The following UQCC1 variants were observed in gnomAD, a reference collection of about 807,000 sequenced individuals.
UQCC1 encodes ubiquinol-cytochrome c reductase complex assembly factor 1, also known as bFGF-repressed Zic-binding protein.
A neutral mutation model predicts 48.0 loss-of-function variants in UQCC1; 38 were observed. That is an observed-to-expected ratio of 0.79 (90% CI 0.61 to 1.04). The LOEUF (loss-of-function observed/expected upper bound fraction) is 1.04. Ranked by LOEUF, UQCC1 falls within the 50% of genes least tolerant of loss-of-function variation. The probability of loss-of-function intolerance (pLI) is 0.00; values close to 1 mark genes in which losing one functional copy is unlikely to be tolerated. For missense variants in UQCC1, 368 were observed against 381.8 expected (o/e 0.96, Z 0.30); for synonymous variants, 111 against 129.2 (o/e 0.86, Z 0.95).
At chr20:35,409,054 A>G (rs1255929433) in intron 1 of UQCC1, among the ~76,000 whole-genome samples, 2 of 152,146 alleles carry the variant, frequency 1.3e-5, no homozygotes, top group Admixed American at 1.3e-4. Flanking sequence ...AAGACTATAG[A>G]GAGTTATTAA....
chr20:35,385,635 G>A (rs948511015), intron 2 of UQCC1, among the ~76,000 whole-genome samples: 8 of 152,136 alleles, frequency 5.3e-5, no homozygotes, highest in Admixed American at 5.2e-4. Context: ...CTGAGTTGCT[G>A]GGACTACAGG....
chr20:35,330,622 C>T (rs1568661049), intron 7 of UQCC1, among the ~76,000 whole-genome samples: 2 of 152,202 alleles, frequency 1.3e-5, no homozygotes, highest in Non-Finnish European at 1.5e-5. Context: ...ATGAACCCCA[C>T]ATTTGTCCCC....
intron 1 of UQCC1, among the ~76,000 whole-genome samples, chr20:35,405,619 G>T (rs1410699517): frequency 1.3e-5 from 2 of 152,200 alleles, no homozygotes; most frequent in African/African-American, 4.8e-5. Flanking sequence ...CGGGTGCGGT[G>T]GCTTACACCT....
intron 4 of UQCC1, 77 bp downstream of exon 4, chr20:35,381,841 G>A: frequency 4.6e-6 from 4 of 869,408 alleles, no homozygotes; most frequent in Non-Finnish European, 7.4e-6. Flanking sequence ...AAGCAAAGCA[G>A]AAGCTTTAAA....
intron 2 of UQCC1, among the ~76,000 whole-genome samples, chr20:35,390,195 C>T (rs113742912): frequency 5.8e-4 from 89 of 152,140 alleles, no homozygotes; most frequent in African/African-American, 2.0e-3. Flanking sequence ...GAGGCTGAGG[C>T]GGGCAGATCA....
rs923534097 is a variant in UQCC1 at position 35,382,123 on chromosome 20, TAC to T, written c.226-100_226-99del. The T allele has an allele frequency of 2.9e-5, 20 of 693,206 alleles. No homozygotes were observed. The Admixed American group carries it at 5.1e-4, about 18-fold the overall frequency. The allele number at this position is 693,206 out of a possible 1,614,324, so 42.9% of individuals were successfully genotyped here. A position where few individuals can be genotyped will look rare whatever the true frequency, so the allele number is the denominator to read the frequency against. The stretch of plus-strand genomic sequence containing the variant: ...GGTCTGAGAGCATTTTTTTTTTAAA[TAC>T]AGTCAGGGTCTCCTCCCCTCACCCA... On this transcript the variant is annotated intron_variant, in intron 3 of 9. Coordinates refer to ENST00000374385, the MANE Select transcript of UQCC1 (RefSeq NM_018244.5).
intron 6 of UQCC1, among the ~76,000 whole-genome samples, chr20:35,361,951 G>C (rs919317130): frequency 1.3e-5 from 2 of 152,042 alleles, no homozygotes; most frequent in Non-Finnish European, 2.9e-5. Flanking sequence ...AATTTTATTT[G>C]TTCCATTCCA....
At chr20:35,371,228 G>A (rs2061726216) in intron 5 of UQCC1, among the ~76,000 whole-genome samples, 2 of 151,912 alleles carry the variant, frequency 1.3e-5, no homozygotes, top group South Asian at 4.2e-4. Flanking sequence ...AGCTGGCCAA[G>A]ACAAAGTTAT....
chr20:35,384,403 G>A (rs1470740063), intron 2 of UQCC1, among the ~76,000 whole-genome samples: 8 of 152,124 alleles, frequency 5.3e-5, no homozygotes. Flanking sequence ...CACTTTGGGA[G>A]GTCAAGGTGA....
intron 7 of UQCC1, among the ~76,000 whole-genome samples, chr20:35,325,878 A>C (rs6060372): frequency 0.4 from 60,397 of 151,672 alleles, 13,302 homozygotes; most frequent in African/African-American, 0.59. Flanking sequence ...AACACACACA[A>C]AAAAAACAAA....
rs577688509 is a variant in UQCC1 at position 35,374,110 on chromosome 20, T to C, written c.406+74A>G. On this transcript the variant is annotated intron_variant, in intron 5 of 9. Transcript: ENST00000374385. ...TTTCACTAGGGACTAAAAAAACCTA[T>C]CCTATTAAAACACAACCATAAAAAT... 13 of 1,198,342 alleles carry C rather than the reference T, an allele frequency of 1.1e-5. No individual in the cohort carries two copies. The Admixed American group carries it at 2.5e-4, about 23-fold the overall frequency. The allele number at this position is 1,198,342 out of a possible 1,614,324, so 74.2% of individuals were successfully genotyped here. A position where few individuals can be genotyped will look rare whatever the true frequency, so the allele number is the denominator to read the frequency against.
At chr20:35,386,375 T>A (rs1327923908) in intron 2 of UQCC1, 1 of 452,656 alleles carries the variant, frequency 2.2e-6, no homozygotes, top group Non-Finnish European at 4.4e-6. Flanking sequence ...TGAAAATGAT[T>A]TTTTTTCTTT....
intron 1 of UQCC1, among the ~76,000 whole-genome samples, chr20:35,404,247 T>G (rs182510566): frequency 9.3e-4 from 141 of 152,142 alleles, no homozygotes; most frequent in African/African-American, 3.2e-3. Flanking sequence ...CGGGTGCCTG[T>G]AGTCCCAGCT....
chr20:35,394,252 A>T lies in UQCC1; in HGVS notation c.25-56T>A, dbSNP rs553713406. The T allele has an allele frequency of 3.1e-4, 444 of 1,446,104 alleles. 3 individuals carry two copies. In the South Asian group the frequency reaches 4.8e-3, roughly 16 times the overall value. 89.6% of individuals were successfully genotyped at this position (1,446,104 alleles called of 1,614,324 possible). On this transcript the variant is annotated intron_variant, in intron 1 of 9. Transcript: ENST00000374385. ...ATCTAAATCATACTCCCTACATGGA[A>T]GGCAAAGAGTGTACCTGTGATACTG... is the stretch of plus-strand genomic sequence containing the variant.
At chr20:35,375,251 A>G (rs2061782843) in intron 4 of UQCC1, among the ~76,000 whole-genome samples, 1 of 152,340 alleles carries the variant, frequency 6.6e-6, no homozygotes, top group Non-Finnish European at 1.5e-5. Flanking sequence ...GTTTAAAGTC[A>G]CCAAGAACAT....
intron 6 of UQCC1, among the ~76,000 whole-genome samples, chr20:35,347,874 G>C (rs2061447964): frequency 6.6e-6 from 1 of 151,976 alleles, no homozygotes; most frequent in African/African-American, 2.4e-5. Flanking sequence ...AGATATACTG[G>C]GTTACATACA....
At chr20:35,308,917 T>C (rs898795511) in intron 8 of UQCC1, among the ~76,000 whole-genome samples, 2 of 152,186 alleles carry the variant, frequency 1.3e-5, no homozygotes, top group Non-Finnish European at 2.9e-5. Flanking sequence ...GGTTTCACCA[T>C]GTTGGCCAGG....
intron 3 of UQCC1, among the ~76,000 whole-genome samples, chr20:35,382,644 C>T (rs1241652793): frequency 6.6e-6 from 1 of 151,016 alleles, no homozygotes; most frequent in Non-Finnish European, 1.5e-5. Flanking sequence ...TCCCGAGTAG[C>T]TGGGACAGGC....
intron 1 of UQCC1, among the ~76,000 whole-genome samples, chr20:35,398,367 T>C (rs866097865): frequency 6.6e-6 from 1 of 152,218 alleles, no homozygotes; most frequent in African/African-American, 2.4e-5. Context: ...TCTTTAAAAT[T>C]AACAAATGTA....
Sources: gnomAD v4.1 joint callset for allele counts (sites outside exome capture counted in the v4.1 genomes callset) on GRCh38, gnomAD v4.1.1 for gene constraint, MANE v1.5 for transcripts, NCBI Gene and HGNC (gene_info 2026-07-23, HGNC 2026-07-21) for gene names.